The following DNTT variants were observed in gnomAD, a reference collection of about 807,000 sequenced individuals.
The protein encoded by DNTT is nucleosidetriphosphate:DNA deoxynucleotidylexotransferase.
Under a neutral mutation model 60.9 loss-of-function variants are expected in DNTT, and 47 were observed. The observed-to-expected ratio is 0.77, with a 90% CI of 0.61 to 0.98. DNTT has a LOEUF of 0.98. Ranked by LOEUF, DNTT falls within the 50% of genes least tolerant of loss-of-function variation. The pLI is 0.00. For missense variants in DNTT, 665 were observed against 627.5 expected (o/e 1.06, Z -0.64); for synonymous variants, 224 against 221.2 (o/e 1.01, Z -0.11).
In DNTT at chr10:96,317,071, G is replaced by T. The variant is rs1025110170; in HGVS notation, c.204-1281G>T. Among the ~76,000 whole-genome samples the T allele has an allele frequency of 4.6e-5, 7 of 152,320 alleles. No homozygotes were observed. The South Asian group carries it at 1.2e-3, about 27-fold the overall frequency. On this transcript the variant is annotated intron_variant, in intron 1 of 10. Coordinates refer to ENST00000371174, the MANE Select transcript of DNTT (RefSeq NM_004088.4). ...TTTCTCTTCGATGCTTGGGTATGCT[G>T]TGTGCTCATGCTATTGCTCAGATTT...
In DNTT at chr10:96,315,434, C is replaced by A. The variant is rs144473664; in HGVS notation, c.204-2918C>A. Among the ~76,000 whole-genome samples, 1,114 of 152,160 alleles carry A rather than the reference C, an allele frequency of 7.3e-3. 9 individuals are homozygous for A. The highest frequency in any genetic ancestry group is 0.021 in the African/African-American group (881 of 41,490). The stretch of plus-strand genomic sequence containing the variant: ...GTGTGTGCTTAAGATTATTATTGCT[C>A]TTTTGTTTTGTTTGCTAGTTGCTTA... On this transcript the variant is annotated intron_variant, in intron 1 of 10. Coordinates refer to ENST00000371174, the MANE Select transcript of DNTT (RefSeq NM_004088.4).
intron 3 of DNTT, among the ~76,000 whole-genome samples, chr10:96,319,793 C>T (rs1340514458): frequency 1.3e-5 from 2 of 152,188 alleles, no homozygotes; most frequent in East Asian, 3.8e-4. Context: ...ATTGAGCAAA[C>T]CTAGATTCCA....
At chr10:96,306,750 G>A (rs1422560600) in intron 1 of DNTT, 2 of 152,228 alleles carry the variant, frequency 1.3e-5, no homozygotes, top group Admixed American at 6.5e-5. Context: ...TGAGCAAACT[G>A]CCGCTGTGCA....
At chr10:96,312,441 C>T (rs1399473190) in intron 1 of DNTT, among the ~76,000 whole-genome samples, 4 of 152,074 alleles carry the variant, frequency 2.6e-5, no homozygotes, top group African/African-American at 9.7e-5. Context: ...AAGACATTGG[C>T]GCCTCCTCTT....
At chr10:96,318,260 A>G (rs762004028) in intron 1 of DNTT, 92 bp from the exon 2 acceptor site, 74 of 1,445,968 alleles carry the variant, frequency 5.1e-5, no homozygotes, top group African/African-American at 8.5e-5. Flanking sequence ...GTCTTTCTCC[A>G]TCAGATGGAA....
intron 6 of DNTT, among the ~76,000 whole-genome samples, chr10:96,327,175 T>C (rs1844946454): frequency 1.3e-5 from 2 of 152,208 alleles, no homozygotes; most frequent in Admixed American, 6.5e-5. Flanking sequence ...GAAGGCTGGT[T>C]CTTCAGTAGG....
intron 10 of DNTT, among the ~76,000 whole-genome samples, chr10:96,337,705 A>G (rs570710324): frequency 1.7e-4 from 26 of 152,326 alleles, no homozygotes; most frequent in Admixed American, 3.9e-4. Context: ...CAAGTATCCT[A>G]TAATTACCAG....
At chr10:96,323,580 G>C (rs1287822367) in intron 5 of DNTT, among the ~76,000 whole-genome samples, 4 of 152,072 alleles carry the variant, frequency 2.6e-5, no homozygotes, top group African/African-American at 7.3e-5. Context: ...ACCATGGGGG[G>C]GTTGGTGGGG....
intron 1 of DNTT, among the ~76,000 whole-genome samples, chr10:96,317,415 C>G (rs1844799231): frequency 6.6e-6 from 1 of 152,132 alleles, no homozygotes; most frequent in Non-Finnish European, 1.5e-5. Context: ...CCTGTCCATG[C>G]TTCGAAAACA....
At chr10:96,313,812 G>C (rs1438802535) in intron 1 of DNTT, among the ~76,000 whole-genome samples, 4 of 152,226 alleles carry the variant, frequency 2.6e-5, no homozygotes, top group Admixed American at 2.6e-4. Flanking sequence ...AGGCAGGGCT[G>C]TGTCCAGAGG....
intron 8 of DNTT, among the ~76,000 whole-genome samples, chr10:96,331,922 C>CA (rs1204120894): frequency 6.6e-6 from 1 of 152,116 alleles, no homozygotes; most frequent in African/African-American, 2.4e-5. Flanking sequence ...GGACTATAGA[C>CA]ACGTGCCATC....
At chr10:96,314,582 T>C (rs1589370447) in intron 1 of DNTT, among the ~76,000 whole-genome samples, 3 of 149,894 alleles carry the variant, frequency 2.0e-5, no homozygotes, top group South Asian at 4.2e-4. Context: ...CCAGCTAATT[T>C]TTTGTATTTT....
intron 6 of DNTT, among the ~76,000 whole-genome samples, chr10:96,325,907 T>C (rs1844933794): frequency 6.6e-6 from 1 of 152,256 alleles, no homozygotes; most frequent in Non-Finnish European, 1.5e-5. Context: ...CCCTGAGGCT[T>C]GAGCGTGCAC....
chr10:96,325,144 G>A (rs752950049), intron 6 of DNTT, among the ~76,000 whole-genome samples: 24 of 152,112 alleles, frequency 1.6e-4, no homozygotes, highest in Non-Finnish European at 1.8e-4. Flanking sequence ...AAAAAACTGT[G>A]TGTTTAAAAA....
intron 10 of DNTT, among the ~76,000 whole-genome samples, chr10:96,336,685 G>A (rs1589378380): frequency 1.3e-5 from 2 of 152,150 alleles, no homozygotes; most frequent in Admixed American, 6.5e-5. Context: ...AGTGGCTCAC[G>A]TCTGTAATCC....
intron 1 of DNTT, among the ~76,000 whole-genome samples, chr10:96,311,279 A>G (rs531375828): frequency 1.3e-5 from 2 of 152,360 alleles, no homozygotes; most frequent in Non-Finnish European, 2.9e-5. Flanking sequence ...TAAGTCCTAT[A>G]TCAGATGGGA....
At chr10:96,327,364 T>C (rs944622054) in intron 6 of DNTT, 104 bp from the exon 7 acceptor site, 112 of 1,528,970 alleles carry the variant, frequency 7.3e-5, no homozygotes, top group Middle Eastern at 1.7e-4. Context: ...TTGATGCCTG[T>C]AGTCATGTTA....
At chr10:96,311,782 T>TA (rs1376309830) in intron 1 of DNTT, among the ~76,000 whole-genome samples, 1 of 152,166 alleles carries the variant, frequency 6.6e-6, no homozygotes, top group Non-Finnish European at 1.5e-5. Context: ...TGGCTGGGAT[T>TA]ACAGGCACGT....
chr10:96,332,554 C>A lies in DNTT; in HGVS notation c.1317C>A (p.Tyr439Ter). The change falls in exon 9 of 11, where the codon TAC becomes TAA. Residue 439 changes from tyrosine (Y) to a stop codon, truncating the protein, a stop_gained. Transcript: ENST00000371174. LOFTEE classifies it high-confidence loss of function. ...GTGTGGATTTAGTTCTGTGCCCCTA[C>A]GAGCGTCGTGCCTTTGCCCTGTTGG... The part of the protein sequence containing the change: ...AIRVDLVLCP[Y>*]ERRAFALLGW... 1 of 1,614,156 alleles carries A rather than the reference C, an allele frequency of 6.2e-7. No individual in the cohort carries two copies. The highest frequency in any genetic ancestry group is 8.5e-7 in the Non-Finnish European group (1 of 1,179,992).
Sources: allele counts gnomAD v4.1 joint callset (sites outside exome capture counted in the v4.1 genomes callset), GRCh38; gene constraint gnomAD v4.1.1; transcripts MANE v1.5; gene names NCBI Gene and HGNC (gene_info 2026-07-23, HGNC 2026-07-21).